Variants in ECPAS observed in about 807,000 individuals in gnomAD.
The protein encoded by ECPAS is Ecm29 proteasome adaptor and scaffold.
In ECPAS, 70 loss-of-function variants were observed where a neutral mutation model predicts 255.1. The ratio of observed to expected loss-of-function variants is 0.27; its 90% CI spans 0.23 to 0.33. The LOEUF (loss-of-function observed/expected upper bound fraction) is 0.33, where lower values mean the gene tolerates loss of function less well. Ranked by LOEUF, ECPAS falls within the 10% of genes least tolerant of loss-of-function variation. ECPAS has a pLI of 1.00. For missense variants in ECPAS, 1,817 were observed against 2,206.4 expected (o/e 0.82, Z 3.54); for synonymous variants, 784 against 775.0 (o/e 1.01, Z -0.19).
chr9:111,375,472 GA>G (rs1220814759), intron 37 of ECPAS, among the ~76,000 whole-genome samples: 1 of 152,088 alleles, frequency 6.6e-6, no homozygotes, highest in East Asian at 1.9e-4. Context: ...ACTCAAGAAT[GA>G]AGAATCTTTC....
chr9:111,410,249 C>T, intron 22 of ECPAS, 36 bp from the exon 23 acceptor site: 8 of 1,562,696 alleles, frequency 5.1e-6, no homozygotes, highest in Non-Finnish European at 6.9e-6. Flanking sequence ...GAATTACATA[C>T]CATTATCCTT....
intron 1 of ECPAS, chr9:111,483,464 CGTTCCG>C (rs1409481727): frequency 2.1e-6 from 2 of 969,874 alleles, no homozygotes; most frequent in Non-Finnish European, 2.4e-6. Context: ...GCGCGGCGCC[CGTTCCG>C]GCTCGCGGCC....
At chr9:111,371,894 G>A in intron 42 of ECPAS, 65 bp from the exon 43 acceptor site, 1 of 1,366,140 alleles carries the variant, frequency 7.3e-7, no homozygotes, top group Non-Finnish European at 1.0e-6. Context: ...TTCTAAACCT[G>A]AAAAAAAGTC....
chr9:111,437,244 C>T (rs2098239511), intron 6 of ECPAS, 136 bp from the exon 7 acceptor site: 6 of 728,882 alleles, frequency 8.2e-6, no homozygotes, highest in African/African-American at 1.8e-5. Flanking sequence ...ATTAAAATTT[C>T]ATCATAAAAA....
At chr9:111,443,653 G>C (rs1459392707) in intron 4 of ECPAS, among the ~76,000 whole-genome samples, 1 of 152,148 alleles carries the variant, frequency 6.6e-6, no homozygotes, top group Non-Finnish European at 1.5e-5. Context: ...TTTGCTTAAA[G>C]AAAGGAAATG....
At chr9:111,373,492 G>A in intron 39 of ECPAS, 86 bp from the exon 40 acceptor site, 2 of 998,980 alleles carry the variant, frequency 2.0e-6, no homozygotes, top group Non-Finnish European at 1.5e-6. Flanking sequence ...ACCTAACCCT[G>A]TAATTAACAT....
intron 2 of ECPAS, among the ~76,000 whole-genome samples, chr9:111,456,660 A>G (rs1052327958): frequency 1.1e-4 from 16 of 152,348 alleles, no homozygotes; most frequent in African/African-American, 3.8e-4. Context: ...ATATGTGACC[A>G]GCTGCAGTTC....
At chr9:111,414,316 A>G (rs1384141091) in intron 19 of ECPAS, 113 bp downstream of exon 19, 1 of 885,760 alleles carries the variant, frequency 1.1e-6, no homozygotes, top group Non-Finnish European at 1.7e-6. Context: ...ACAAAGGCTA[A>G]TGTTCAGTTA....
intron 7 of ECPAS, among the ~76,000 whole-genome samples, chr9:111,436,549 G>A (rs1265086216): frequency 6.6e-6 from 1 of 151,760 alleles, no homozygotes; most frequent in African/African-American, 2.4e-5. Flanking sequence ...CTTAAAAGTT[G>A]AATAATGTAA....
At chr9:111,483,575 GGGGGGGCAGGGCGCGGCC>G in intron 1 of ECPAS, 1 of 700,832 alleles carries the variant, frequency 1.4e-6, no homozygotes, top group Non-Finnish European at 1.7e-6. Flanking sequence ...GGGAGGGGCT[GGGGGGGCAGGGCGCGGCC>G]GGGGGGCTCG....
intron 15 of ECPAS, among the ~76,000 whole-genome samples, chr9:111,421,269 G>C (rs1164976421): frequency 1.3e-5 from 2 of 152,106 alleles, no homozygotes; most frequent in Non-Finnish European, 2.9e-5. Context: ...AATCATGTCA[G>C]TCTAATTCCA....
intron 38 of ECPAS, among the ~76,000 whole-genome samples, chr9:111,374,806 T>C (rs2098131489): frequency 1.3e-5 from 2 of 152,182 alleles, no homozygotes; most frequent in South Asian, 4.1e-4. Context: ...AAACAATCCA[T>C]GCCCTAATAA....
In ECPAS at chr9:111,370,453, G is replaced by C; in HGVS notation, c.4956C>G (p.Val1652=). 1 of 1,598,508 alleles carries C rather than the reference G, an allele frequency of 6.3e-7. No homozygotes were observed. Among genetic ancestry groups the C allele is most frequent in the South Asian group, 1.1e-5 (1 of 88,454 alleles). ...GTATTACCTTCTTGATGAGAGGTAT[G>C]ACAATGTTAGAGAACTCCTGGAATC... The part of the protein sequence containing the change: ...EDRFQEFSNI[V]IPLIKKNSLE... Residue 1652 remains valine (V), a synonymous_variant, in exon 45 of 50, where the codon GTC becomes GTG. Transcript: ENST00000684092.
intron 31 of ECPAS, among the ~76,000 whole-genome samples, chr9:111,388,848 G>A (rs1340077509): frequency 6.6e-6 from 1 of 152,118 alleles, no homozygotes. Context: ...GGGCAAATAG[G>A]TAAACAGTGA....
In ECPAS at chr9:111,421,409, A is replaced by ATGTGTGTG. The variant is rs71372622; in HGVS notation, c.1455+504_1455+511dup. Among the ~76,000 whole-genome samples, 472 of 143,428 alleles carry ATGTGTGTG rather than the reference A, an allele frequency of 3.3e-3. 1 individual carries two copies. The highest frequency in any genetic ancestry group is 0.012 in the East Asian group (56 of 4,810). The allele number at this position is 143,428 out of a possible 152,430, so 94.1% of individuals were successfully genotyped here. A position where few individuals can be genotyped will look rare whatever the true frequency, so the allele number is the denominator to read the frequency against. On this transcript the variant is annotated intron_variant, in intron 15 of 49. Coordinates refer to ENST00000684092, the MANE Select transcript of ECPAS (RefSeq NM_001364929.1). ...CAAATATATATTACATATTACATAT[A>ATGTGTGTG]TGTGTGTGTGTGTGTGTGTGTGTGT...
At chr9:111,482,651 GAAAA>G (rs570622746) in intron 1 of ECPAS, among the ~76,000 whole-genome samples, 1 of 141,644 alleles carries the variant, frequency 7.1e-6, no homozygotes, top group South Asian at 2.2e-4. Context: ...AGCATTGGGA[GAAAA>G]AAAAAAAGGG....
Position 111,372,579 on chromosome 9 carries a change from T to C in ECPAS, c.4378A>G (p.Ile1460Val), listed in dbSNP as rs142217155. ...AATACATCAGGGCTGTATCGTCCAA[T>C]AGCATGAATAGTCAAAGCACAAGAG... ...KTSCALTIHA[I>V]GRYSPDVLKN... The change falls in exon 42 of 50, where the codon ATT (isoleucine) becomes GTT (valine). Residue 1460 changes from isoleucine (I) to valine (V), a missense_variant. Coordinates refer to ENST00000684092, the MANE Select transcript of ECPAS (RefSeq NM_001364929.1). The C allele has an allele frequency of 1.4e-5, 23 of 1,613,436 alleles. No homozygotes were observed. In the East Asian group the frequency reaches 4.5e-4, roughly 31 times the overall value.
chr9:111,436,048 T>C (rs2098237783), intron 7 of ECPAS, among the ~76,000 whole-genome samples: 1 of 150,702 alleles, frequency 6.6e-6, no homozygotes, highest in Admixed American at 6.6e-5. Context: ...AAAAAAAAGA[T>C]CCATAAAACA....
chr9:111,442,275 G>T, intron 5 of ECPAS, 31 bp downstream of exon 5: 2 of 1,415,216 alleles, frequency 1.4e-6, no homozygotes, highest in Non-Finnish European at 2.0e-6. Context: ...ACTCCTGTAG[G>T]AGGGAAATTA....
Sources: gnomAD v4.1 joint callset for allele counts (sites outside exome capture counted in the v4.1 genomes callset) on GRCh38, gnomAD v4.1.1 for gene constraint, MANE v1.5 for transcripts, NCBI Gene and HGNC (gene_info 2026-07-23, HGNC 2026-07-21) for gene names.